The following EIF2S3 variants were observed in gnomAD, a reference collection of about 807,000 sequenced individuals.
EIF2S3 encodes eukaryotic translation initiation factor 2 subunit gamma, also known as eukaryotic translation initiation factor 2 subunit 3.
In EIF2S3, 2 loss-of-function variants were observed where a neutral mutation model predicts 31.7. The ratio of observed to expected loss-of-function variants is 0.06; its 90% CI spans 0.03 to 0.20. The LOEUF is 0.20. EIF2S3 is among the 10% of genes least tolerant of loss of function. The pLI is 1.00. For missense variants in EIF2S3, 96 were observed against 359.3 expected (o/e 0.27, Z 5.92); for synonymous variants, 120 against 126.7 (o/e 0.95, Z 0.36).
At chrX:24,072,997 CAT>C in intron 10 of EIF2S3, 92 bp from the exon 11 acceptor site, 1 of 946,176 alleles carries the variant, frequency 1.1e-6, no homozygotes, top group Non-Finnish European at 1.4e-6. Context: ...TTATGATTGA[CAT>C]ATTTCCCAAT....
chrX:24,062,078 C>A (rs1030079602), intron 5 of EIF2S3, among the ~76,000 whole-genome samples: 10 of 110,939 alleles, frequency 9.0e-5, no homozygotes, highest in African/African-American at 3.3e-4. Context: ...TATTAGATGC[C>A]AACTTTTTTT....
intron 8 of EIF2S3, 39 bp from the exon 9 acceptor site, chrX:24,067,925 G>C (rs774500187): frequency 1.8e-6 from 2 of 1,132,974 alleles, no homozygotes; most frequent in Non-Finnish European, 2.4e-6. Context: ...ATAATTTTGC[G>C]TAACACAGTA....
At chrX:24,076,557 A>G (rs1930756009) in intron 11 of EIF2S3, among the ~76,000 whole-genome samples, 165 bp from the exon 12 acceptor site, 1 of 112,107 alleles carries the variant, frequency 8.9e-6, no homozygotes, top group Admixed American at 9.5e-5. Context: ...AAGCAAGAAT[A>G]AAAAAGAATC....
chrX:24,055,465 A>G (rs1439342704), intron 1 of EIF2S3, 150 bp from the exon 2 acceptor site: 2 of 526,237 alleles, frequency 3.8e-6, no homozygotes, highest in East Asian at 3.6e-5. Context: ...TCCCAGCCAT[A>G]GGAGTACAAA....
rs184268189 is a variant in EIF2S3 at position 24,058,185 on chromosome X, A to G, written c.383+431A>G. ...TCAGGATACTGACACCTGTCTAGTG[A>G]TGTTTATGGGGATTGGAGATGCCCT... On this transcript the variant is annotated intron_variant, in intron 4 of 11. Transcript: ENST00000253039. Among the ~76,000 whole-genome samples, 9 of 111,696 alleles carry G rather than the reference A, an allele frequency of 8.1e-5. No homozygotes were observed. In the South Asian group the frequency reaches 3.0e-3, roughly 37 times the overall value.
intron 1 of EIF2S3, 134 bp downstream of exon 1, chrX:24,055,171 G>C: frequency 1.4e-6 from 1 of 729,794 alleles, no homozygotes. Context: ...CTGGAACTGG[G>C]CGCCCTAAGC....
chrX:24,075,167 TTTC>T (rs948940023), intron 11 of EIF2S3, among the ~76,000 whole-genome samples: 1 of 110,632 alleles, frequency 9.0e-6, no homozygotes, highest in African/African-American at 3.3e-5. Flanking sequence ...GCCTGACCTC[TTTC>T]TTCTTTTTTT....
At chrX:24,061,479 A>C (rs1363905797) in intron 5 of EIF2S3, among the ~76,000 whole-genome samples, 1 of 108,337 alleles carries the variant, frequency 9.2e-6, no homozygotes, top group Non-Finnish European at 1.9e-5. Flanking sequence ...GAATCGCTTG[A>C]ACTTGGGAGG....
At chrX:24,061,693 G>A (rs771939764) in intron 5 of EIF2S3, among the ~76,000 whole-genome samples, 2 of 111,392 alleles carry the variant, frequency 1.8e-5, no homozygotes, top group Non-Finnish European at 3.8e-5. Flanking sequence ...TACACTGTTG[G>A]TTATCTTCAC....
At chrX:24,076,089 G>A (rs1485852688) in intron 11 of EIF2S3, among the ~76,000 whole-genome samples, 2 of 111,885 alleles carry the variant, frequency 1.8e-5, no homozygotes, top group African/African-American at 6.5e-5. Flanking sequence ...TTATTGCCCT[G>A]TAATTTAGAA....
At chrX:24,061,236 G>A (rs1485600601) in intron 5 of EIF2S3, among the ~76,000 whole-genome samples, 1 of 96,278 alleles carries the variant, frequency 1.0e-5, no homozygotes, top group Non-Finnish European at 2.1e-5. Context: ...CAGCCTGGGC[G>A]ACAGAAGGAG....
At chrX:24,063,379 T>A (rs183866839) in intron 6 of EIF2S3, among the ~76,000 whole-genome samples, 1 of 112,726 alleles carries the variant, frequency 8.9e-6, no homozygotes, top group African/African-American at 3.2e-5. Flanking sequence ...TAATTTCTTA[T>A]GAACTCAGTT....
chrX:24,064,386 G>A (rs763214676), intron 7 of EIF2S3, 51 bp downstream of exon 7: 2 of 1,101,283 alleles, frequency 1.8e-6, no homozygotes, highest in Non-Finnish European at 2.4e-6. Flanking sequence ...TTCCACATTG[G>A]TGATTCCTCT....
chrX:24,060,766 A>G (rs766830269), intron 5 of EIF2S3, among the ~76,000 whole-genome samples: 6 of 107,834 alleles, frequency 5.6e-5, no homozygotes, highest in Admixed American at 5.1e-4. Context: ...GTTTGAGACC[A>G]GCCTGACCAA....
At chrX:24,066,710 C>T (rs1052189642) in intron 8 of EIF2S3, among the ~76,000 whole-genome samples, 14 of 110,963 alleles carry the variant, frequency 1.3e-4, no homozygotes, top group Admixed American at 1.3e-3. Flanking sequence ...GACAGGGTTT[C>T]ACCATGTTGG....
intron 7 of EIF2S3, among the ~76,000 whole-genome samples, chrX:24,065,630 T>C (rs758179904): frequency 2.1e-4 from 23 of 111,633 alleles, no homozygotes; most frequent in African/African-American, 6.8e-4. Flanking sequence ...ATACAGACAT[T>C]GATTATTTTA....
intron 4 of EIF2S3, among the ~76,000 whole-genome samples, chrX:24,059,761 G>GT (rs1930463366): frequency 9.0e-6 from 1 of 111,730 alleles, no homozygotes; most frequent in Admixed American, 9.6e-5. Flanking sequence ...TGTTAACGTG[G>GT]TTTTTATAAG....
At chrX:24,060,233 A>T (rs1336858741) in intron 5 of EIF2S3, 51 bp downstream of exon 5, 5 of 1,068,159 alleles carry the variant, frequency 4.7e-6, no homozygotes, top group African/African-American at 1.8e-5. Flanking sequence ...CAAATCCAAG[A>T]TGAAATATTT....
chrX:24,076,312 A>G (rs909355807), intron 11 of EIF2S3, among the ~76,000 whole-genome samples: 14 of 111,275 alleles, frequency 1.3e-4, no homozygotes, highest in Admixed American at 1.2e-3. Flanking sequence ...TGGGCGGATC[A>G]CTTGAGGCCA....
Sources: allele counts gnomAD v4.1 joint callset (sites outside exome capture counted in the v4.1 genomes callset), GRCh38; gene constraint gnomAD v4.1.1; transcripts MANE v1.5; gene names NCBI Gene and HGNC (gene_info 2026-07-23, HGNC 2026-07-21).